FRY: variants seen among roughly 807,000 people sequenced by gnomAD.
FRY encodes the protein protein furry homolog.
In FRY, 128 loss-of-function variants were observed where a neutral mutation model predicts 348.4. The observed-to-expected ratio is 0.37, with a 90% CI of 0.32 to 0.43. FRY has a LOEUF of 0.43. Ranked by LOEUF, FRY falls within the 20% of genes least tolerant of loss-of-function variation. The pLI is 1.00. For missense variants in FRY, 2,736 were observed against 3,695.2 expected, an observed-to-expected ratio of 0.74 and a Z score of 6.73; for synonymous variants, 1,370 against 1,374.7, an observed-to-expected ratio of 1.00 and a Z score of 0.08.
intron 7 of FRY, among the ~76,000 whole-genome samples, chr13:32,127,393 A>G (rs1253720543): frequency 3.3e-5 from 5 of 152,110 alleles, no homozygotes; most frequent in Admixed American, 2.0e-4. Context: ...TTTTTTTCTT[A>G]AAGTCACTTT....
At chr13:32,139,827 C>T (rs1879949681) in intron 11 of FRY, among the ~76,000 whole-genome samples, 1 of 151,970 alleles carries the variant, frequency 6.6e-6, no homozygotes, top group Non-Finnish European at 1.5e-5. Context: ...AAATGCATTC[C>T]CTTCACATCT....
intron 29 of FRY, among the ~76,000 whole-genome samples, chr13:32,194,625 C>T (rs778285501): frequency 1.3e-4 from 20 of 152,028 alleles, no homozygotes; most frequent in Non-Finnish European, 2.2e-4. Flanking sequence ...ATGTTTATAA[C>T]GAGGGTGAAC....
intron 48 of FRY, 99 bp from the exon 49 acceptor site, chr13:32,249,427 T>C (rs962321141): frequency 7.8e-7 from 1 of 1,284,718 alleles, no homozygotes; most frequent in African/African-American, 1.5e-5. Context: ...AATCTGATTT[T>C]TAATCAAATA....
intron 17 of FRY, among the ~76,000 whole-genome samples, chr13:32,164,397 T>G (rs1030857707): frequency 6.6e-5 from 10 of 152,138 alleles, no homozygotes; most frequent in African/African-American, 2.4e-4. Context: ...TGTCCATCCC[T>G]CCCAGCTCAG....
intron 1 of FRY, among the ~76,000 whole-genome samples, chr13:32,037,819 A>G (rs1262751938): frequency 6.6e-6 from 1 of 152,230 alleles, no homozygotes; most frequent in Non-Finnish European, 1.5e-5. Flanking sequence ...CAAATAGGTT[A>G]CATATATCCT....
intron 32 of FRY, 27 bp from the exon 33 acceptor site, chr13:32,209,558 C>G (rs960871454): frequency 6.2e-7 from 1 of 1,613,106 alleles, no homozygotes; most frequent in Non-Finnish European, 8.5e-7. Flanking sequence ...TCACACATCT[C>G]TTGGGCCGGT....
chr13:32,239,214 C>T lies in FRY; in HGVS notation c.6419-38C>T. The T allele has an allele frequency of 8.3e-7, 1 of 1,211,880 alleles. No homozygotes were observed. The highest frequency in any genetic ancestry group is 1.2e-6 in the Non-Finnish European group (1 of 813,906). The allele number at this position is 1,211,880 out of a possible 1,614,324, so 75.1% of individuals were successfully genotyped here. A position where few individuals can be genotyped will look rare whatever the true frequency, so the allele number is the denominator to read the frequency against. ...CCCACTGTTAACAGCTAAAATATACCATATTCAGCTATCTCCATTGTATCT... is the reference window on the plus strand; with the variant it reads ...CCCACTGTTAACAGCTAAAATATACTATATTCAGCTATCTCCATTGTATCT... On this transcript the variant is annotated intron_variant, in intron 44 of 60. Transcript: ENST00000542859. The surrounding 1 kb of genome is among the most constrained non-coding windows in gnomAD (Gnocchi z 4.3).
chr13:32,270,496 G>C (rs550354226), intron 55 of FRY, among the ~76,000 whole-genome samples: 1 of 152,170 alleles, frequency 6.6e-6, no homozygotes, highest in African/African-American at 2.4e-5. Flanking sequence ...CATGCGCCAC[G>C]GCGCCCGACC....
chr13:32,184,066 C>G lies in FRY; in HGVS notation c.3055-534C>G, dbSNP rs150345079. The stretch of plus-strand genomic sequence containing the variant: ...TGGTGGTGCACGCCTGTAGTCCCAG[C>G]TACTCGAGAGGCTGAGGCAGAAGAA... On this transcript the variant is annotated intron_variant, in intron 24 of 60. Transcript: ENST00000542859. 8.6e-3 allele frequency among the ~76,000 whole-genome samples: 1,304 copies of G among 152,096 alleles called. 21 individuals carry two copies. Among genetic ancestry groups the G allele is most frequent in the African/African-American group, 0.03 (1,257 of 41,448 alleles).
rs529482124 is a variant in FRY at position 32,171,372 on chromosome 13, C to G, written c.2151+102C>G. 60 of 1,017,688 alleles carry G rather than the reference C, an allele frequency of 5.9e-5. No homozygotes were observed. The East Asian group carries it at 1.6e-3, about 27-fold the overall frequency. 63.0% of individuals were successfully genotyped at this position (1,017,688 alleles called of 1,614,324 possible). Reference sequence around the variant, plus strand: ...TGTTGCCCAGGCTGGAGTGCAGTGGCGCGATCTTGACTCACTGCAACCTCC... The same window carrying G: ...TGTTGCCCAGGCTGGAGTGCAGTGGGGCGATCTTGACTCACTGCAACCTCC... On this transcript the variant is annotated intron_variant, in intron 18 of 60. Transcript: ENST00000542859.
At chr13:32,242,501 A>G (rs958905414) in intron 46 of FRY, among the ~76,000 whole-genome samples, 1 of 152,068 alleles carries the variant, frequency 6.6e-6, no homozygotes, top group Admixed American at 6.6e-5. Context: ...TCCACATTAT[A>G]GATTTACATA....
intron 1 of FRY, among the ~76,000 whole-genome samples, chr13:32,035,200 C>G (rs1872448224): frequency 2.0e-5 from 3 of 152,160 alleles, no homozygotes; most frequent in African/African-American, 7.2e-5. Flanking sequence ...CCTTGGCATC[C>G]AAAGTGGGTT....
At chr13:32,177,209 A>T (rs532008911) in intron 20 of FRY, among the ~76,000 whole-genome samples, 2 of 152,234 alleles carry the variant, frequency 1.3e-5, no homozygotes, top group Non-Finnish European at 2.9e-5. Flanking sequence ...ACAAAATGGA[A>T]TATAAGAACT....
chr13:32,268,250 G>A (rs764316761), intron 55 of FRY, among the ~76,000 whole-genome samples: 3 of 151,980 alleles, frequency 2.0e-5, no homozygotes, highest in Non-Finnish European at 2.9e-5. Flanking sequence ...CAAATAATTG[G>A]CAGGGGGAGG....
chr13:32,132,827 A>C (rs1412967103), intron 8 of FRY, among the ~76,000 whole-genome samples: 1 of 152,264 alleles, frequency 6.6e-6, no homozygotes, highest in Non-Finnish European at 1.5e-5. Flanking sequence ...AAAATGTGAT[A>C]TATCCCTATA....
chr13:32,256,626 A>G (rs1045903515), intron 51 of FRY, among the ~76,000 whole-genome samples: 1 of 152,130 alleles, frequency 6.6e-6, no homozygotes, highest in East Asian at 1.9e-4. Context: ...ATGTTTTGCT[A>G]CTTCCCAATA....
intron 59 of FRY, among the ~76,000 whole-genome samples, chr13:32,291,659 C>G (rs1358379182): frequency 6.6e-6 from 1 of 152,102 alleles, no homozygotes; most frequent in Non-Finnish European, 1.5e-5. Flanking sequence ...CCTGCCTCGG[C>G]CCCCACAAAG....
chr13:32,128,694 AC>A (rs1879173927), intron 7 of FRY, among the ~76,000 whole-genome samples: 1 of 152,218 alleles, frequency 6.6e-6, no homozygotes, highest in South Asian at 2.1e-4. Flanking sequence ...TGCCTAATTC[AC>A]TGGATTGTTA....
At chr13:32,258,184 T>C (rs563921037) in intron 51 of FRY, among the ~76,000 whole-genome samples, 1 of 152,340 alleles carries the variant, frequency 6.6e-6, no homozygotes, top group South Asian at 2.1e-4. Flanking sequence ...TTTTAAAACC[T>C]TTATATGCCT....
Sources: gnomAD v4.1 joint callset for allele counts (sites outside exome capture counted in the v4.1 genomes callset) on GRCh38, gnomAD v4.1.1 for gene constraint, Gnocchi (gnomAD v3.1) non-coding constraint, MANE v1.5 for transcripts, NCBI Gene and HGNC (gene_info 2026-07-23, HGNC 2026-07-21) for gene names.